Variants in NAALADL2 observed in about 807,000 individuals in gnomAD.
NAALADL2 encodes inactive N-acetylated-alpha-linked acidic dipeptidase-like protein 2.
In NAALADL2, 76 loss-of-function variants were observed where a neutral mutation model predicts 87.2. The ratio of observed to expected loss-of-function variants is 0.87; its 90% CI spans 0.72 to 1.05. The LOEUF (loss-of-function observed/expected upper bound fraction) is 1.05. NAALADL2 is among the 50% of genes least tolerant of loss of function. The pLI is 0.00. For missense variants in NAALADL2, 1,089 were observed against 945.8 expected (o/e 1.15, Z -1.99); for synonymous variants, 354 against 331.0 (o/e 1.07, Z -0.75).
chr3:174,882,681 A>C (rs755008185), intron 1 of NAALADL2, among the ~76,000 whole-genome samples: 146 of 147,532 alleles, frequency 9.9e-4, no homozygotes, highest in Non-Finnish European at 8.6e-4. Context: ...ATATGTGTAT[A>C]TGTGTATCCG....
chr3:175,270,195 G>A (rs1414863483), intron 4 of NAALADL2, among the ~76,000 whole-genome samples: 1 of 152,144 alleles, frequency 6.6e-6, no homozygotes. Context: ...ATTTGGACAA[G>A]ATTTCTCATT....
At chr3:174,897,675 C>A (rs932576742) in intron 1 of NAALADL2, among the ~76,000 whole-genome samples, 10 of 151,808 alleles carry the variant, frequency 6.6e-5, no homozygotes, top group Non-Finnish European at 1.3e-4. Flanking sequence ...GGTATATACC[C>A]AAAATAAAGG....
chr3:174,954,267 A>G (rs982337314), intron 1 of NAALADL2, among the ~76,000 whole-genome samples: 1 of 152,134 alleles, frequency 6.6e-6, no homozygotes, highest in Non-Finnish European at 1.5e-5. Context: ...CCCCTTTTAC[A>G]TTTAAACCAT....
intron 1 of NAALADL2, among the ~76,000 whole-genome samples, chr3:175,026,154 G>T (rs1212963872): frequency 6.6e-6 from 1 of 151,914 alleles, no homozygotes; most frequent in Non-Finnish European, 1.5e-5. Context: ...AACAATAGAA[G>T]AAAATCCTTC....
Position 175,435,965 on chromosome 3 carries a change from G to A in NAALADL2, c.1091-11264G>A, listed in dbSNP as rs561134484. Reference sequence around the variant, plus strand: ...CCTGCACCCACTAACTCGTCATCTAGCATTAGGTATATCTCCCAATGCTAT... The same window carrying A: ...CCTGCACCCACTAACTCGTCATCTAACATTAGGTATATCTCCCAATGCTAT... On this transcript the variant is annotated intron_variant, in intron 5 of 13. Coordinates refer to ENST00000454872, the MANE Select transcript of NAALADL2 (RefSeq NM_207015.3). Among the ~76,000 whole-genome samples the A allele has an allele frequency of 2.8e-3, 406 of 144,394 alleles. 1 individual carries two copies. The highest frequency in any genetic ancestry group is 4.8e-3 in the Non-Finnish European group (316 of 66,184). The allele number at this position is 144,394 out of a possible 152,430, so 94.7% of individuals were successfully genotyped here.
At chr3:174,513,060 C>T (rs1578059230) in intron 1 of NAALADL2, among the ~76,000 whole-genome samples, 1 of 151,836 alleles carries the variant, frequency 6.6e-6, no homozygotes, top group East Asian at 2.0e-4. Context: ...CTCCCGGGTT[C>T]AAGCGATTCT....
chr3:174,752,439 T>C (rs532285582), intron 3 of NAALADL2, among the ~76,000 whole-genome samples: 10 of 152,282 alleles, frequency 6.6e-5, no homozygotes, highest in South Asian at 2.1e-4. Flanking sequence ...TAGAAAATTG[T>C]CTTCAGTTTG....
At chr3:174,596,539 G>A (rs914617496) in intron 2 of NAALADL2, among the ~76,000 whole-genome samples, 1 of 149,810 alleles carries the variant, frequency 6.7e-6, no homozygotes, top group African/African-American at 2.4e-5. Context: ...TGTAGGTCTT[G>A]GGTAGAGAAT....
At chr3:174,676,517 T>C (rs902321385) in intron 2 of NAALADL2, among the ~76,000 whole-genome samples, 1 of 151,994 alleles carries the variant, frequency 6.6e-6, no homozygotes, top group East Asian at 1.9e-4. Flanking sequence ...ATAGCCGTAG[T>C]TGTATAATTG....
At chr3:174,827,513 G>A (rs981559995) in intron 3 of NAALADL2, among the ~76,000 whole-genome samples, 1 of 152,140 alleles carries the variant, frequency 6.6e-6, no homozygotes, top group Non-Finnish European at 1.5e-5. Flanking sequence ...TTTGGTGTCT[G>A]TTCATCTTGT....
chr3:174,442,615 A>G (rs1005218236), intron 1 of NAALADL2, among the ~76,000 whole-genome samples: 7 of 152,196 alleles, frequency 4.6e-5, no homozygotes, highest in Admixed American at 2.6e-4. Flanking sequence ...TTAGTCAACA[A>G]TTGTTTGTTG....
At chr3:175,353,331 AC>A (rs1446149061) in intron 5 of NAALADL2, among the ~76,000 whole-genome samples, 1 of 152,062 alleles carries the variant, frequency 6.6e-6, no homozygotes, top group Non-Finnish European at 1.5e-5. Context: ...ACGTAGCAAG[AC>A]CCTTGCCTCT....
chr3:175,511,462 G>A (rs527625519), intron 9 of NAALADL2, among the ~76,000 whole-genome samples: 7 of 152,306 alleles, frequency 4.6e-5, no homozygotes, highest in East Asian at 1.9e-4. Flanking sequence ...GAAGGGCCAC[G>A]TGGCAATACA....
chr3:175,234,060 C>T lies in NAALADL2; in HGVS notation c.675C>T (p.Gly225=), dbSNP rs1745427768. The change falls in exon 3 of 14, where the codon GGC becomes GGT. Residue 225 remains glycine (G), a synonymous_variant. Transcript: ENST00000454872. Reference sequence around the variant, plus strand: ...ACTCTGTGCTGCTTGATCTGCCAGGCCCTTCTCCCAGCACTGTGACTCTGA... The same window carrying T: ...ACTCTGTGCTGCTTGATCTGCCAGGTCCTTCTCCCAGCACTGTGACTCTGA... ...VNYSVLLDLP[G]PSPSTVTLSS... is the part of the protein sequence containing the mutation. The T allele has an allele frequency of 1.2e-6, 2 of 1,613,816 alleles. No homozygotes were observed. The highest frequency in any genetic ancestry group is 8.5e-7 in the Non-Finnish European group (1 of 1,179,868).
At chr3:174,602,918 T>G (rs1385232486) in intron 2 of NAALADL2, among the ~76,000 whole-genome samples, 1 of 152,076 alleles carries the variant, frequency 6.6e-6, no homozygotes, top group Non-Finnish European at 1.5e-5. Context: ...GTTGATGTAA[T>G]GTATCACCCT....
In NAALADL2 at chr3:174,470,526, A is replaced by G. The variant is rs1438832429; in HGVS notation, c.-184+29494A>G. On this transcript the variant is annotated intron_variant, in intron 1 of 3. Coordinates refer to the NAALADL2 transcript ENST00000434257. ...TTTGTTTTAGTTGCATTTGCTTTTG[A>G]AGTCTTAGTCATAAATTCTTTGACT... Among the ~76,000 whole-genome samples, 15 of 151,876 alleles carry G rather than the reference A, an allele frequency of 9.9e-5. No individual in the cohort carries two copies. The East Asian group carries it at 2.5e-3, about 25-fold the overall frequency.
At chr3:175,072,679 A>G (rs1221818872) in intron 1 of NAALADL2, among the ~76,000 whole-genome samples, 2 of 111,572 alleles carry the variant, frequency 1.8e-5, no homozygotes, top group African/African-American at 7.1e-5. Context: ...TAGGTTAATT[A>G]TTGAAAAACG....
intron 1 of NAALADL2, among the ~76,000 whole-genome samples, chr3:174,499,789 A>G (rs189761988): frequency 5.9e-5 from 9 of 152,154 alleles, no homozygotes; most frequent in African/African-American, 1.7e-4. Context: ...CTATTTGGCT[A>G]TCTCTAAGCT....
chr3:175,376,172 G>T lies in NAALADL2; in HGVS notation c.1090+51847G>T, dbSNP rs978839955. 4.6e-5 allele frequency among the ~76,000 whole-genome samples: 7 copies of T among 151,932 alleles called. No homozygotes were observed. The East Asian group carries it at 5.8e-4, about 13-fold the overall frequency. ...TTTTAAAGAAACTGAAAGAAAAAAAGTATTTTTATACCCTCCTAGTTATCA... is the reference window on the plus strand; with the variant it reads ...TTTTAAAGAAACTGAAAGAAAAAAATTATTTTTATACCCTCCTAGTTATCA... On this transcript the variant is annotated intron_variant, in intron 5 of 13. Coordinates refer to ENST00000454872, the MANE Select transcript of NAALADL2 (RefSeq NM_207015.3).
Sources: gnomAD v4.1 joint callset for allele counts (sites outside exome capture counted in the v4.1 genomes callset) on GRCh38, gnomAD v4.1.1 for gene constraint, MANE v1.5 for transcripts, NCBI Gene and HGNC (gene_info 2026-07-23, HGNC 2026-07-21) for gene names.